The following DPP10 variants were observed in gnomAD, a reference collection of about 807,000 sequenced individuals.
DPP10 encodes dipeptidyl peptidase like 10, also known as inactive dipeptidyl peptidase 10.
In DPP10, 33 loss-of-function variants were observed where a neutral mutation model predicts 120.9. The observed-to-expected ratio is 0.27, with a 90% CI of 0.21 to 0.37. The LOEUF (loss-of-function observed/expected upper bound fraction) is 0.37. Among genes scored for constraint, DPP10 ranks in the 10% least tolerant of loss-of-function variants. The probability of loss-of-function intolerance (pLI) is 1.00; values close to 1 mark genes in which losing one functional copy is unlikely to be tolerated. For synonymous variants in DPP10, 337 were observed against 326.1 expected, an observed-to-expected ratio of 1.03 and a Z score of -0.36; for missense variants, 816 against 942.8, an observed-to-expected ratio of 0.87 and a Z score of 1.76.
chr2:115,684,285 C>T (rs899387337), intron 5 of DPP10, among the ~76,000 whole-genome samples: 1 of 151,804 alleles, frequency 6.6e-6, no homozygotes, highest in South Asian at 2.1e-4. Flanking sequence ...ACACTAGAGT[C>T]TCCTAGCTCA....
intron 1 of DPP10, among the ~76,000 whole-genome samples, chr2:115,248,719 A>G (rs556431561): frequency 2.0e-5 from 3 of 152,276 alleles, no homozygotes; most frequent in South Asian, 2.1e-4. Flanking sequence ...CTAAAAAGCA[A>G]TAGCCGACAT....
At chr2:115,521,790 T>C (rs1575084043) in intron 4 of DPP10, among the ~76,000 whole-genome samples, 1 of 152,252 alleles carries the variant, frequency 6.6e-6, no homozygotes, top group Non-Finnish European at 1.5e-5. Flanking sequence ...AAGGTAATAG[T>C]TCTAAATTCA....
intron 1 of DPP10, among the ~76,000 whole-genome samples, chr2:115,128,902 G>A (rs1294269982): frequency 6.6e-6 from 1 of 152,166 alleles, no homozygotes; most frequent in East Asian, 1.9e-4. Flanking sequence ...TTCATGGTAT[G>A]TGTGCAAAAA....
intron 1 of DPP10, among the ~76,000 whole-genome samples, chr2:114,902,905 T>G (rs1214401465): frequency 6.6e-6 from 1 of 152,210 alleles, no homozygotes; most frequent in Non-Finnish European, 1.5e-5. Context: ...CATTATAGTT[T>G]TAAACAGAAT....
intron 5 of DPP10, among the ~76,000 whole-genome samples, chr2:115,646,945 G>A (rs991082900): frequency 3.3e-5 from 5 of 152,044 alleles, no homozygotes; most frequent in Admixed American, 1.3e-4. Flanking sequence ...AGGTAATTTC[G>A]TTTGAGGTCA....
At chr2:115,397,897 C>T (rs899438072) in intron 3 of DPP10, among the ~76,000 whole-genome samples, 5 of 152,226 alleles carry the variant, frequency 3.3e-5, no homozygotes, top group Non-Finnish European at 5.9e-5. Flanking sequence ...CTCCTTGTCT[C>T]TGTCCACATA....
At chr2:115,274,540 A>G (rs1025917738) in intron 1 of DPP10, among the ~76,000 whole-genome samples, 7 of 152,190 alleles carry the variant, frequency 4.6e-5, no homozygotes, top group African/African-American at 1.2e-4. Flanking sequence ...TCCCCTGCCA[A>G]AAGTTCTAAT....
chr2:115,622,406 CA>C (rs1164666444), intron 5 of DPP10, among the ~76,000 whole-genome samples: 28 of 151,780 alleles, frequency 1.8e-4, no homozygotes, highest in Admixed American at 1.5e-3. Flanking sequence ...GGATATACTA[CA>C]TTTTATTTAG....
At chr2:115,158,782 C>T (rs1178904200) in intron 1 of DPP10, among the ~76,000 whole-genome samples, 4 of 152,052 alleles carry the variant, frequency 2.6e-5, no homozygotes, top group Admixed American at 6.5e-5. Context: ...ATTCAAAATA[C>T]TCTGTGAATC....
intron 1 of DPP10, among the ~76,000 whole-genome samples, chr2:114,822,506 T>C (rs536067271): frequency 6.6e-6 from 1 of 152,298 alleles, no homozygotes; most frequent in African/African-American, 2.4e-5. Context: ...GTGATTAGCA[T>C]GTGGCTCCTT....
At chr2:115,663,980 G>A (rs886188686) in intron 5 of DPP10, among the ~76,000 whole-genome samples, 1 of 149,920 alleles carries the variant, frequency 6.7e-6, no homozygotes, top group Non-Finnish European at 1.5e-5. Context: ...GTGTGACAGA[G>A]CGAGACTCCA....
chr2:114,584,512 A>C (rs1033731434), intron 1 of DPP10, among the ~76,000 whole-genome samples: 1 of 150,416 alleles, frequency 6.6e-6, no homozygotes, highest in Non-Finnish European at 1.5e-5. Flanking sequence ...GTCATTTAGC[A>C]TTAGGTATAT....
intron 19 of DPP10, among the ~76,000 whole-genome samples, chr2:115,803,953 A>T (rs184074217): frequency 0.013 from 1,920 of 152,016 alleles, 40 homozygotes; most frequent in African/African-American, 0.042. Context: ...CATTCTCTGT[A>T]TTTCCTGAAT....
chr2:115,379,666 T>C (rs2066135257), intron 3 of DPP10, among the ~76,000 whole-genome samples: 2 of 152,214 alleles, frequency 1.3e-5, no homozygotes, highest in South Asian at 4.1e-4. Context: ...TTTGGATCTT[T>C]CCTGCTTTGT....
At chr2:115,672,047 C>T (rs2089918156) in intron 5 of DPP10, among the ~76,000 whole-genome samples, 1 of 152,162 alleles carries the variant, frequency 6.6e-6, no homozygotes, top group Non-Finnish European at 1.5e-5. Flanking sequence ...CCATCATATA[C>T]TCAGTATTGA....
At chr2:115,493,295 A>G (rs995586647) in intron 3 of DPP10, among the ~76,000 whole-genome samples, 1 of 152,022 alleles carries the variant, frequency 6.6e-6, no homozygotes, top group Non-Finnish European at 1.5e-5. Context: ...AGGTGTAACC[A>G]ACAGGATGGT....
intron 1 of DPP10, among the ~76,000 whole-genome samples, chr2:114,532,298 C>CAT (rs1686081637): frequency 1.7e-5 from 1 of 58,550 alleles, no homozygotes; most frequent in African/African-American, 7.9e-5. Flanking sequence ...TATATATATA[C>CAT]ACACACACAC....
chr2:114,951,825 A>G (rs1697808675), intron 1 of DPP10, among the ~76,000 whole-genome samples: 2 of 152,026 alleles, frequency 1.3e-5, no homozygotes, highest in South Asian at 4.1e-4. Context: ...TATTCTGTCT[A>G]CCTATTGACA....
chr2:114,604,983 T>C (rs962384189), intron 1 of DPP10, among the ~76,000 whole-genome samples: 10 of 152,120 alleles, frequency 6.6e-5, no homozygotes, highest in African/African-American at 1.9e-4. Flanking sequence ...GTTTCTTGAA[T>C]GAGCATCTCT....
Sources: allele counts gnomAD v4.1 joint callset (sites outside exome capture counted in the v4.1 genomes callset), GRCh38; gene constraint gnomAD v4.1.1; transcripts MANE v1.5; gene names NCBI Gene and HGNC (gene_info 2026-07-23, HGNC 2026-07-21).